Variants in SOX5 observed in about 807,000 individuals in gnomAD.
SOX5 encodes the protein transcription factor SOX-5.
In SOX5, 9 loss-of-function variants were observed where a neutral mutation model predicts 92.0. That is an observed-to-expected ratio of 0.10 (90% confidence interval 0.06 to 0.17). The LOEUF is 0.17. Among genes scored for constraint, SOX5 ranks in the 10% least tolerant of loss-of-function variants. The pLI is 1.00. For synonymous variants in SOX5, 344 were observed against 336.3 expected, an observed-to-expected ratio of 1.02 and a Z score of -0.25; for missense variants, 642 against 944.5, an observed-to-expected ratio of 0.68 and a Z score of 4.20.
intron 1 of SOX5, among the ~76,000 whole-genome samples, chr12:24,412,780 C>CTTTTTTTTTTTCT (rs1964337636): frequency 7.6e-6 from 1 of 132,444 alleles, no homozygotes; most frequent in South Asian, 2.4e-4. Flanking sequence ...ATTAGATTTT[C>CTTTTTTTTTTTCT]TTTTTTTTTT....
intron 4 of SOX5, among the ~76,000 whole-genome samples, chr12:24,086,796 CTAAGG>C (rs1403561806): frequency 6.6e-6 from 1 of 151,976 alleles, no homozygotes; most frequent in African/African-American, 2.4e-5. Context: ...TATAAACCCA[CTAAGG>C]TTAGGAAGAA....
At chr12:23,618,049 G>A (rs999785489) in intron 8 of SOX5, among the ~76,000 whole-genome samples, 1 of 152,108 alleles carries the variant, frequency 6.6e-6, no homozygotes, top group Admixed American at 6.5e-5. Flanking sequence ...ACTGTGGGAG[G>A]ATGAACACTC....
At chr12:24,336,710 G>GA (rs1403694779) in intron 2 of SOX5, among the ~76,000 whole-genome samples, 1 of 152,080 alleles carries the variant, frequency 6.6e-6, no homozygotes, top group African/African-American at 2.4e-5. Flanking sequence ...AAAGAAGAAA[G>GA]AAAATGCCCT....
At chr12:23,578,141 A>AAAAAAAAAAAAAAAAAC (rs1565983838) in intron 9 of SOX5, among the ~76,000 whole-genome samples, 6 of 136,374 alleles carry the variant, frequency 4.4e-5, no homozygotes, top group African/African-American at 1.6e-4. Flanking sequence ...AAAAAAAAAA[A>AAAAAAAAAAAAAAAAAC]AAAAAAAAAC....
chr12:24,128,290 A>T (rs959870080), intron 4 of SOX5, among the ~76,000 whole-genome samples: 3 of 152,212 alleles, frequency 2.0e-5, no homozygotes, highest in Non-Finnish European at 2.9e-5. Context: ...GAGGAAAAAA[A>T]TTCTGTGCCA....
rs138736107 is a variant in SOX5 at position 23,534,067 on chromosome 12, G to C, written c.*152C>G. ...TTCTTTCCAAGCCTTTTGAGGCTGAGGTCTATTAGTCAGCTGATGTCCCAA... is the reference window on the plus strand; with the variant it reads ...TTCTTTCCAAGCCTTTTGAGGCTGACGTCTATTAGTCAGCTGATGTCCCAA... On this transcript the variant is annotated 3_prime_UTR_variant, in exon 15 of 15. Transcript: ENST00000451604. 107 of 644,798 alleles carry C rather than the reference G, an allele frequency of 1.7e-4. No individual in the cohort carries two copies. In the East Asian group the frequency reaches 2.3e-3, roughly 14 times the overall value. 39.9% of individuals were successfully genotyped at this position (644,798 alleles called of 1,614,324 possible).
chr12:24,181,108 A>T (rs1214173299), intron 4 of SOX5, among the ~76,000 whole-genome samples: 4 of 152,178 alleles, frequency 2.6e-5, no homozygotes. Context: ...TGGAGGAAAA[A>T]CTAGCTGTAT....
chr12:23,593,747 T>G lies in SOX5; in HGVS notation c.1164+10640A>C, dbSNP rs180702868. 5.3e-5 allele frequency among the ~76,000 whole-genome samples: 8 copies of G among 152,038 alleles called. No individual in the cohort carries two copies. In the East Asian group the frequency reaches 1.5e-3, roughly 29 times the overall value. Reference sequence around the variant, plus strand: ...AAATTTTATAAAAGTTTTACAGAAGTTTTTGGTGTTTTTCTTTGTTAAGCA... The same window carrying G: ...AAATTTTATAAAAGTTTTACAGAAGGTTTTGGTGTTTTTCTTTGTTAAGCA... On this transcript the variant is annotated intron_variant, in intron 9 of 14. Coordinates refer to ENST00000451604, the MANE Select transcript of SOX5 (RefSeq NM_006940.6).
intron 3 of SOX5, among the ~76,000 whole-genome samples, chr12:23,755,941 T>C (rs1012946949): frequency 6.6e-5 from 10 of 151,864 alleles, no homozygotes; most frequent in Non-Finnish European, 1.5e-4. Context: ...AACAAAGCCA[T>C]ACTGATTCTT....
intron 4 of SOX5, among the ~76,000 whole-genome samples, chr12:24,058,776 A>G (rs1939088336): frequency 6.7e-6 from 1 of 149,888 alleles, no homozygotes; most frequent in South Asian, 2.2e-4. Flanking sequence ...AGGTTGCTGT[A>G]ATAAGCCTGT....
chr12:23,622,392 T>TA (rs1157616939), intron 8 of SOX5, among the ~76,000 whole-genome samples: 1 of 152,136 alleles, frequency 6.6e-6, no homozygotes, highest in East Asian at 1.9e-4. Flanking sequence ...TTAGCTTTTT[T>TA]AAAAAAATCT....
intron 1 of SOX5, among the ~76,000 whole-genome samples, chr12:24,542,465 G>T (rs559221929): frequency 6.6e-6 from 1 of 152,182 alleles, no homozygotes; most frequent in South Asian, 2.1e-4. Context: ...ATAATACAAC[G>T]TTCTTAGCCC....
chr12:23,805,322 T>C (rs1215163502), intron 3 of SOX5, among the ~76,000 whole-genome samples: 1 of 151,926 alleles, frequency 6.6e-6, no homozygotes, highest in Non-Finnish European at 1.5e-5. Context: ...TTGATGCATA[T>C]GTGTGTGTGA....
At chr12:23,939,212 C>G (rs1202585787) in intron 1 of SOX5, among the ~76,000 whole-genome samples, 1 of 151,004 alleles carries the variant, frequency 6.6e-6, no homozygotes, top group East Asian at 1.9e-4. Context: ...CATATGCCAA[C>G]TTTGTATATA....
At chr12:23,603,211 A>T (rs996163388) in intron 9 of SOX5, among the ~76,000 whole-genome samples, 3 of 151,838 alleles carry the variant, frequency 2.0e-5, no homozygotes, top group African/African-American at 7.2e-5. Context: ...TACTCTCTGG[A>T]GTATACAATA....
chr12:24,049,637 A>AGTTTTTTTTTT (rs1957363955), intron 4 of SOX5, among the ~76,000 whole-genome samples: 1 of 99,280 alleles, frequency 1.0e-5, no homozygotes. Context: ...AATCCTTCAT[A>AGTTTTTTTTTT]GTTTTTTTTT....
chr12:24,461,950 C>T (rs1943682553), intron 1 of SOX5, among the ~76,000 whole-genome samples: 1 of 152,132 alleles, frequency 6.6e-6, no homozygotes, highest in Admixed American at 6.5e-5. Flanking sequence ...CATCATTTAC[C>T]TCCGTCTTCC....
intron 1 of SOX5, among the ~76,000 whole-genome samples, chr12:23,948,078 C>T (rs1317365422): frequency 6.6e-6 from 1 of 151,998 alleles, no homozygotes; most frequent in Non-Finnish European, 1.5e-5. Context: ...ACTTCAACAT[C>T]TACCTATGAT....
At chr12:23,874,634 G>A (rs1037052291) in intron 2 of SOX5, among the ~76,000 whole-genome samples, 1 of 152,200 alleles carries the variant, frequency 6.6e-6, no homozygotes, top group Non-Finnish European at 1.5e-5. Context: ...TAAGAAGAGA[G>A]AGAGAGTGAA....
Sources: gnomAD v4.1 joint callset for allele counts (sites outside exome capture counted in the v4.1 genomes callset) on GRCh38, gnomAD v4.1.1 for gene constraint, MANE v1.5 for transcripts, NCBI Gene and HGNC (gene_info 2026-07-23, HGNC 2026-07-21) for gene names.